Variants in CES5A observed in about 807,000 individuals in gnomAD.
CES5A encodes the protein carboxylesterase 5.
A neutral mutation model predicts 62.9 loss-of-function variants in CES5A; 67 were observed. The observed-to-expected ratio is 1.07, with a 90% CI of 0.88 to 1.31. The LOEUF is 1.31. CES5A is among the 50% of genes most tolerant of loss of function. The pLI, the probability that CES5A is intolerant of heterozygous loss-of-function variation, is 0.00. For synonymous variants in CES5A, 296 were observed against 280.8 expected (o/e 1.05, Z -0.54); for missense variants, 748 against 708.5 (o/e 1.06, Z -0.63).
intron 4 of CES5A, 118 bp downstream of exon 4, chr16:55,869,493 C>A (rs2033537071): frequency 7.2e-6 from 10 of 1,381,046 alleles, no homozygotes; most frequent in South Asian, 2.0e-5. Context: ...GTAATTAGGG[C>A]CAGTTTTGTT....
Position 55,881,845 on chromosome 16 carries a change from A to C in CES5A, c.-255-7808T>G, listed in dbSNP as rs148878170. Among the ~76,000 whole-genome samples the C allele has an allele frequency of 5.9e-5, 9 of 152,260 alleles. No individual in the cohort carries two copies. In the East Asian group the frequency reaches 1.7e-3, roughly 29 times the overall value. On this transcript the variant is annotated intron_variant, in intron 1 of 12. Coordinates refer to the CES5A transcript ENST00000518005. ...GGGATCCCTAGTATCGGTGTGAATG[A>C]GTCTGGAATAGCAGAGGCCAGGTTG...
intron 1 of CES5A, among the ~76,000 whole-genome samples, chr16:55,892,466 T>C (rs1410385002): frequency 6.6e-6 from 1 of 152,188 alleles, no homozygotes; most frequent in Admixed American, 6.5e-5. Flanking sequence ...TAAATCTCTT[T>C]GAATATTTTA....
chr16:55,894,369 G>C (rs1258287119), intron 1 of CES5A, among the ~76,000 whole-genome samples: 1 of 151,750 alleles, frequency 6.6e-6, no homozygotes, highest in African/African-American at 2.4e-5. Context: ...TCAGCCAGGC[G>C]TGGTGGCAGG....
chr16:55,865,269 A>G (rs1480539235), intron 5 of CES5A, among the ~76,000 whole-genome samples: 1 of 152,174 alleles, frequency 6.6e-6, no homozygotes, highest in African/African-American at 2.4e-5. Flanking sequence ...AATACACTAT[A>G]CAAATATATA....
chr16:55,876,524 T>A (rs1215872447), upstream of CES5A, among the ~76,000 whole-genome samples: 2 of 152,178 alleles, frequency 1.3e-5, no homozygotes, highest in East Asian at 1.9e-4. Flanking sequence ...AGGGAAAGCA[T>A]GTGTGATGCA....
intron 1 of CES5A, among the ~76,000 whole-genome samples, chr16:55,951,931 T>G (rs540104883): frequency 2.6e-5 from 4 of 152,126 alleles, no homozygotes; most frequent in Non-Finnish European, 5.9e-5. Context: ...CTGAAGAACA[T>G]ACATATTAAA....
chr16:55,883,761 C>T (rs767952268), intron 1 of CES5A, among the ~76,000 whole-genome samples: 4 of 152,142 alleles, frequency 2.6e-5, no homozygotes, highest in Admixed American at 2.6e-4. Context: ...CCATGGATTC[C>T]TTATTCATTC....
chr16:55,863,289 G>T, intron 6 of CES5A, 59 bp downstream of exon 6: 2 of 940,148 alleles, frequency 2.1e-6, no homozygotes, highest in South Asian at 1.3e-5. Flanking sequence ...GAAGGTGCCT[G>T]ACCACATTCT....
chr16:55,946,656 G>A (rs2034497636), intron 2 of CES5A, among the ~76,000 whole-genome samples: 1 of 152,290 alleles, frequency 6.6e-6, no homozygotes, highest in Non-Finnish European at 1.5e-5. Flanking sequence ...TGGAAGATTG[G>A]TGTATCAGTC....
At chr16:55,948,679 AT>A (rs1183707750) in intron 2 of CES5A, among the ~76,000 whole-genome samples, 2 of 152,084 alleles carry the variant, frequency 1.3e-5, no homozygotes, top group Admixed American at 1.3e-4. Context: ...GGGTCCCAAG[AT>A]TTTATTTTCC....
Position 55,951,067 on chromosome 16 carries a change from C to A in CES5A, c.43-1165G>T, listed in dbSNP as rs187449313. ...CAGTGAGCCAGGATTGCGCCACAAA[C>A]TACACTCCAGCCTGGGAGACAGCGA... On this transcript the variant is annotated intron_variant, in intron 1 of 13. Coordinates refer to the CES5A transcript ENST00000521992. Among the ~76,000 whole-genome samples, 436 of 117,560 alleles carry A rather than the reference C, an allele frequency of 3.7e-3. 6 individuals carry two copies. Among genetic ancestry groups the A allele is most frequent in the African/African-American group, 0.013 (414 of 31,288 alleles). 77.1% of individuals were successfully genotyped at this position (117,560 alleles called of 152,430 possible).
intron 1 of CES5A, among the ~76,000 whole-genome samples, chr16:55,885,259 C>CA (rs2033802924): frequency 2.0e-5 from 3 of 152,158 alleles, no homozygotes; most frequent in Non-Finnish European, 2.9e-5. Context: ...GAGCCATCAC[C>CA]TTGTGCCTCG....
chr16:55,851,206 G>A (rs545584670), intron 10 of CES5A, among the ~76,000 whole-genome samples: 197 of 152,104 alleles, frequency 1.3e-3, no homozygotes, highest in African/African-American at 4.3e-3. Flanking sequence ...AAGGCAACCC[G>A]GCAACCCACA....
chr16:55,872,204 T>A (rs1304886856), intron 2 of CES5A, among the ~76,000 whole-genome samples: 3 of 152,188 alleles, frequency 2.0e-5, no homozygotes, highest in African/African-American at 7.2e-5. Flanking sequence ...CAGGCCTCTC[T>A]ACCTGGAACC....
intron 1 of CES5A, among the ~76,000 whole-genome samples, chr16:55,898,166 G>T (rs1413680444): frequency 1.3e-5 from 2 of 152,250 alleles, no homozygotes; most frequent in East Asian, 3.9e-4. Context: ...TATGCACTAA[G>T]GATTTGTGTG....
Position 55,875,176 on chromosome 16 carries a change from T to C in CES5A, c.46A>G (p.Ile16Val). 6.2e-7 allele frequency: 1 copy of C among 1,614,160 alleles called. No individual in the cohort carries two copies. The highest frequency in any genetic ancestry group is 1.1e-5 in the South Asian group (1 of 91,052). The part of the protein sequence containing the change: ...VHPGQILIWA[I>V]WVLAAPTKGP... Reference sequence around the variant, plus strand: ...TTGGTGGGGGCTGCAAGGACCCAGATAGCCCAAATTAGGATCTGGCCTGGG... The same window carrying C: ...TTGGTGGGGGCTGCAAGGACCCAGACAGCCCAAATTAGGATCTGGCCTGGG... Residue 16 changes from isoleucine (I) to valine (V), a missense_variant, in exon 1 of 13, where the codon ATC becomes GTC. Transcript: ENST00000290567.
chr16:55,940,753 G>A (rs2034437045), intron 2 of CES5A, among the ~76,000 whole-genome samples: 1 of 151,382 alleles, frequency 6.6e-6, no homozygotes, highest in African/African-American at 2.4e-5. Context: ...CATAAATACA[G>A]AAGCAAAATT....
intron 2 of CES5A, among the ~76,000 whole-genome samples, chr16:55,940,861 A>T (rs2034438136): frequency 6.6e-6 from 1 of 151,972 alleles, no homozygotes; most frequent in East Asian, 1.9e-4. Context: ...TTAAAAATCA[A>T]TCAATGTAAT....
At chr16:55,934,755 A>C (rs1489854022) in intron 2 of CES5A, among the ~76,000 whole-genome samples, 5 of 151,928 alleles carry the variant, frequency 3.3e-5, no homozygotes, top group Non-Finnish European at 1.5e-5. Context: ...GCCTTGTGTG[A>C]CTATGGAAGC....
Sources: allele counts gnomAD v4.1 joint callset (sites outside exome capture counted in the v4.1 genomes callset), GRCh38; gene constraint gnomAD v4.1.1; transcripts MANE v1.5; gene names NCBI Gene and HGNC (gene_info 2026-07-23, HGNC 2026-07-21).